GOLGB1: variants seen among roughly 807,000 people sequenced by gnomAD.
GOLGB1 encodes the protein golgin B1.
Under a neutral mutation model 336.9 loss-of-function variants are expected in GOLGB1, and 174 were observed. The ratio of observed to expected loss-of-function variants is 0.52; its 90% CI spans 0.46 to 0.59. The LOEUF (loss-of-function observed/expected upper bound fraction) is 0.59. Ranked by LOEUF, GOLGB1 falls within the 20% of genes least tolerant of loss-of-function variation. The probability of loss-of-function intolerance (pLI) is 0.00; values close to 1 mark genes in which losing one functional copy is unlikely to be tolerated. For synonymous variants in GOLGB1, 1,208 were observed against 1,289.2 expected (o/e 0.94, Z 1.35); for missense variants, 3,331 against 3,645.3 (o/e 0.91, Z 2.22).
chr3:121,668,212 A>G, intron 18 of GOLGB1, 54 bp from the exon 19 acceptor site: 1 of 1,064,148 alleles, frequency 9.4e-7, no homozygotes, highest in Admixed American at 2.2e-5. Flanking sequence ...AAGAAAGTGT[A>G]TTTGAGCAAA....
At chr3:121,736,415 T>C (rs754896155) in intron 1 of GOLGB1, among the ~76,000 whole-genome samples, 9 of 152,220 alleles carry the variant, frequency 5.9e-5, no homozygotes, top group South Asian at 4.1e-4. Context: ...ATGAGAAGGG[T>C]ACTTTACCTC....
Position 121,696,374 on chromosome 3 carries a change from TTGGC to T in GOLGB1, c.4145_4148del (p.Ser1382AsnfsTer7). On this transcript the variant is annotated frameshift_variant, in exon 13 of 22. Coordinates refer to ENST00000614479, the MANE Select transcript of GOLGB1 (RefSeq NM_001366282.2). LOFTEE classifies it high-confidence loss of function. The stretch of plus-strand genomic sequence containing the variant: ...GATGTTCTAGGCCAGCAATTTGTAG[TTGGC>T]TGCTTTCCAATTTCTGCTGCAGGCT... The T allele has an allele frequency of 6.2e-7, 1 of 1,614,196 alleles. No individual in the cohort carries two copies. Among genetic ancestry groups the T allele is most frequent in the Non-Finnish European group, 8.5e-7 (1 of 1,180,010 alleles).
intron 5 of GOLGB1, among the ~76,000 whole-genome samples, chr3:121,726,151 G>A (rs1945578082): frequency 6.6e-6 from 1 of 151,076 alleles, no homozygotes; most frequent in African/African-American, 2.4e-5. Context: ...AAATTATACA[G>A]GCCAGGCATG....
At chr3:121,678,789 T>C (rs1320446596) in intron 15 of GOLGB1, among the ~76,000 whole-genome samples, 2 of 152,150 alleles carry the variant, frequency 1.3e-5, no homozygotes, top group African/African-American at 4.8e-5. Flanking sequence ...TGACCTCACA[T>C]GATCTACCTG....
intron 13 of GOLGB1, 78 bp downstream of exon 13, chr3:121,693,663 A>T: frequency 9.2e-7 from 1 of 1,088,300 alleles, no homozygotes; most frequent in East Asian, 2.4e-5. Context: ...CCATTGTCTA[A>T]AAGGAAACAG....
At chr3:121,685,628 G>A (rs1257050158) in intron 14 of GOLGB1, among the ~76,000 whole-genome samples, 1 of 152,022 alleles carries the variant, frequency 6.6e-6, no homozygotes, top group Non-Finnish European at 1.5e-5. Context: ...AGTACAGAGA[G>A]CTAAACCCTG....
chr3:121,729,916 A>T lies in GOLGB1; in HGVS notation c.198T>A (p.Asp66Glu). The T allele has an allele frequency of 6.2e-7, 1 of 1,611,612 alleles. No homozygotes were observed. The highest frequency in any genetic ancestry group is 1.1e-5 in the South Asian group (1 of 91,010). Reference protein sequence around the residue: ...YAEQLVVELKDIIRQKDVQLQ... With the variant: ...YAEQLVVELKEIIRQKDVQLQ... ...GTTGAACATCCTTCTGTCTAATAAT[A>T]TCTTTTAGCTCCACCACCAATTGCT... The change falls in exon 3 of 22, where the codon GAT becomes GAA. Residue 66 changes from aspartate (D) to glutamate (E), a missense_variant. Asp to Glu is a conservative substitution (Grantham distance 45). Coordinates refer to ENST00000614479, the MANE Select transcript of GOLGB1 (RefSeq NM_001366282.2).
chr3:121,721,627 C>T (rs1383024794), intron 6 of GOLGB1, among the ~76,000 whole-genome samples: 1 of 152,002 alleles, frequency 6.6e-6, no homozygotes, highest in African/African-American at 2.4e-5. Flanking sequence ...GAGTGAGACC[C>T]AATTTCAAAA....
At chr3:121,749,465 T>C (rs1487282248) in intron 1 of GOLGB1, among the ~76,000 whole-genome samples, 167 bp downstream of exon 1, 2 of 151,564 alleles carry the variant, frequency 1.3e-5, no homozygotes, top group Admixed American at 1.3e-4. Flanking sequence ...CTAGGCCTGG[T>C]AGGTGAAGGA....
chr3:121,722,313 A>G lies in GOLGB1; in HGVS notation c.597T>C (p.Ile199=). ...KQQLQEKEEF[I]STLQAQLSQT... ...GGCTGAGCTGGGCTTGTAAAGTGCT[A>G]ATGAATTCTTCCTTCTCCTGGAGCT... Residue 199 remains isoleucine, a synonymous_variant, in exon 6 of 22, where the codon ATT becomes ATC. Coordinates refer to ENST00000614479, the MANE Select transcript of GOLGB1 (RefSeq NM_001366282.2). The G allele has an allele frequency of 6.2e-7, 1 of 1,613,080 alleles. No individual in the cohort carries two copies. The highest frequency in any genetic ancestry group is 8.5e-7 in the Non-Finnish European group (1 of 1,179,124).
At position 121,698,584 on chromosome 3, in the gene GOLGB1, T is replaced by C. The variant is rs200572870; in HGVS notation, c.1939A>G (p.Thr647Ala). ...TCAGATGTTCTACTTTGATGTTCAGTGCTCGCCTGTTCTTTTTCAACTGCT... is the reference window on the plus strand; with the variant it reads ...TCAGATGTTCTACTTTGATGTTCAGCGCTCGCCTGTTCTTTTTCAACTGCT... ...LPAVEKEQAS[T>A]EHQSRTSEEI... Residue 647 changes from threonine (T) to alanine (A), a missense_variant, in exon 13 of 22, where the codon ACT becomes GCT. Thr to Ala is a moderately conservative substitution (Grantham distance 58). Coordinates refer to ENST00000614479, the MANE Select transcript of GOLGB1 (RefSeq NM_001366282.2). 1.4e-5 allele frequency: 23 copies of C among 1,613,824 alleles called. No individual in the cohort carries two copies. Among genetic ancestry groups the C allele is most frequent in the Non-Finnish European group, 1.9e-5 (22 of 1,179,880 alleles).
chr3:121,727,320 ATTTTTTTTTTT>A (rs869189384), intron 4 of GOLGB1, among the ~76,000 whole-genome samples: 7 of 28,636 alleles, frequency 2.4e-4, no homozygotes, highest in South Asian at 1.4e-3. Context: ...ATATATATAT[ATTTTTTTTTTT>A]TTTTTTTTTT....
At chr3:121,669,110 C>T in intron 18 of GOLGB1, 102 bp downstream of exon 18, 2 of 1,140,562 alleles carry the variant, frequency 1.8e-6, no homozygotes, top group African/African-American at 1.6e-5. Context: ...TCTTCCCTGA[C>T]CCCTAATTAC....
chr3:121,719,011 G>T (rs955725058), intron 7 of GOLGB1, among the ~76,000 whole-genome samples: 1 of 152,056 alleles, frequency 6.6e-6, no homozygotes, highest in Non-Finnish European at 1.5e-5. Context: ...TTATTTAGTG[G>T]TGCATTCTGA....
intron 1 of GOLGB1, among the ~76,000 whole-genome samples, chr3:121,731,240 G>A (rs914758829): frequency 2.0e-5 from 3 of 152,016 alleles, no homozygotes; most frequent in South Asian, 2.1e-4. Context: ...GTACCTAATC[G>A]TTAAACATTA....
chr3:121,681,455 T>A (rs1405846751), intron 15 of GOLGB1, among the ~76,000 whole-genome samples: 1 of 152,162 alleles, frequency 6.6e-6, no homozygotes, highest in African/African-American at 2.4e-5. Flanking sequence ...CACACACAGA[T>A]AGTCAAATCA....
intron 17 of GOLGB1, among the ~76,000 whole-genome samples, chr3:121,673,695 C>T (rs1288156222): frequency 6.8e-6 from 1 of 146,786 alleles, no homozygotes; most frequent in Non-Finnish European, 1.5e-5. Flanking sequence ...TGCTATCTAT[C>T]TATCTATCTA....
chr3:121,717,460 G>A (rs2108129245), intron 8 of GOLGB1, among the ~76,000 whole-genome samples: 1 of 152,292 alleles, frequency 6.6e-6, no homozygotes, highest in East Asian at 1.9e-4. Context: ...AAACTGTCAA[G>A]CATGGGTCCA....
chr3:121,690,458 A>AT (rs1211743109), intron 14 of GOLGB1, among the ~76,000 whole-genome samples: 1 of 151,862 alleles, frequency 6.6e-6, no homozygotes, highest in Non-Finnish European at 1.5e-5. Flanking sequence ...GAAATTTCTG[A>AT]TTTTTTTTCT....
Sources: gnomAD v4.1 joint callset for allele counts (sites outside exome capture counted in the v4.1 genomes callset) on GRCh38, gnomAD v4.1.1 for gene constraint, MANE v1.5 for transcripts, NCBI Gene and HGNC (gene_info 2026-07-23, HGNC 2026-07-21) for gene names.